The following ADIPOR1 variants were observed in gnomAD, a reference collection of about 807,000 sequenced individuals.
The protein encoded by ADIPOR1 is adiponectin receptor protein 1.
Under a neutral mutation model 37.5 loss-of-function variants are expected in ADIPOR1, and 15 were observed. The ratio of observed to expected loss-of-function variants is 0.40; its 90% CI spans 0.27 to 0.62. The LOEUF is 0.62. Ranked by LOEUF, ADIPOR1 falls within the 20% of genes least tolerant of loss-of-function variation. The pLI, the probability that ADIPOR1 is intolerant of heterozygous loss-of-function variation, is 0.42. For missense variants in ADIPOR1, 286 were observed against 478.0 expected, an observed-to-expected ratio of 0.60 and a Z score of 3.75; for synonymous variants, 173 against 173.2, an observed-to-expected ratio of 1.00 and a Z score of 0.01.
intron 1 of ADIPOR1, among the ~76,000 whole-genome samples, chr1:202,955,159 G>A (rs1370049666): frequency 6.6e-6 from 1 of 152,042 alleles, no homozygotes. Context: ...CCTACTCGAT[G>A]CCAAGCGTCC....
chr1:202,948,195 C>T (rs1392537557), intron 3 of ADIPOR1, 109 bp downstream of exon 3: 2 of 903,400 alleles, frequency 2.2e-6, no homozygotes, highest in Admixed American at 5.3e-5. Context: ...CAAATCCACT[C>T]CTTCCCAGGA....
chr1:202,952,646 C>T (rs545572523), intron 1 of ADIPOR1, among the ~76,000 whole-genome samples: 6 of 152,306 alleles, frequency 3.9e-5, no homozygotes, highest in South Asian at 2.1e-4. Flanking sequence ...GATTCCGGGA[C>T]GTGCACCAAT....
At chr1:202,942,846 AT>A (rs1183716098) in intron 6 of ADIPOR1, among the ~76,000 whole-genome samples, 1 of 148,150 alleles carries the variant, frequency 6.7e-6, no homozygotes, top group South Asian at 2.1e-4. Context: ...AATTATTATT[AT>A]TTTTTTCTTT....
intron 6 of ADIPOR1, 73 bp downstream of exon 6, chr1:202,943,685 G>T: frequency 6.6e-7 from 1 of 1,505,332 alleles, no homozygotes; most frequent in South Asian, 1.3e-5. Context: ...AAACCTTAAG[G>T]CTCAAATAGG....
chr1:202,952,778 G>A (rs1027316416), intron 1 of ADIPOR1, among the ~76,000 whole-genome samples: 14 of 152,120 alleles, frequency 9.2e-5, no homozygotes, highest in African/African-American at 2.7e-4. Context: ...CCAATTCCCC[G>A]AATAAATCCC....
chr1:202,944,650 C>T (rs1172116056), intron 5 of ADIPOR1: 1 of 169,772 alleles, frequency 5.9e-6, no homozygotes, highest in Non-Finnish European at 1.3e-5. Context: ...CCTACTTTGG[C>T]TTGGGCTAAT....
chr1:202,954,371 C>T (rs180721340), intron 1 of ADIPOR1: 1 of 152,236 alleles, frequency 6.6e-6, no homozygotes, highest in East Asian at 1.9e-4. Context: ...GAAAGAAGAG[C>T]AAATAATACT....
At chr1:202,947,668 T>G (rs544120400) in intron 3 of ADIPOR1, among the ~76,000 whole-genome samples, 1 of 152,328 alleles carries the variant, frequency 6.6e-6, no homozygotes, top group African/African-American at 2.4e-5. Flanking sequence ...TTCTATCTCA[T>G]GTCTCATCCC....
In ADIPOR1 at chr1:202,950,943, G is replaced by C. The variant is rs1352332556; in HGVS notation, c.128C>G (p.Ala43Gly). The C allele has an allele frequency of 6.2e-7, 1 of 1,614,146 alleles. No homozygotes were observed. Among genetic ancestry groups the C allele is most frequent in the Non-Finnish European group, 8.5e-7 (1 of 1,180,016 alleles). ...LLEEKGKRVIANPPKAEEEQT... is the reference protein window; with the variant it reads ...LLEEKGKRVIGNPPKAEEEQT... Reference sequence around the variant, plus strand: ...AAGATGACTTACTTTGGGTGGGTTGGCGATTACCCGTTTGCCCTTCTCTTC... The same window carrying C: ...AAGATGACTTACTTTGGGTGGGTTGCCGATTACCCGTTTGCCCTTCTCTTC... Residue 43 changes from alanine to glycine, a missense_variant, in exon 2 of 8, where the codon GCC (alanine) becomes GGC (glycine). By Grantham distance (60) the Ala-to-Gly change is moderately conservative. Coordinates refer to ENST00000340990, the MANE Select transcript of ADIPOR1 (RefSeq NM_015999.6).
intron 3 of ADIPOR1, among the ~76,000 whole-genome samples, chr1:202,947,392 C>T (rs1429584569): frequency 6.6e-6 from 1 of 150,670 alleles, no homozygotes; most frequent in East Asian, 2.0e-4. Context: ...CGTGGTGGCA[C>T]ATGCCTGTAA....
In ADIPOR1 at chr1:202,946,578, A is replaced by G. The variant is rs1194556919; in HGVS notation, c.291T>C (p.Tyr97=). The G allele has an allele frequency of 1.2e-6, 2 of 1,613,984 alleles. No individual in the cohort carries two copies. Among genetic ancestry groups the G allele is most frequent in the Non-Finnish European group, 8.5e-7 (1 of 1,180,036 alleles). The change falls in exon 4 of 8, where the codon TAT becomes TAC. Residue 97 remains tyrosine, a synonymous_variant. Coordinates refer to ENST00000340990, the MANE Select transcript of ADIPOR1 (RefSeq NM_015999.6). ...VWEGRWRVIP[Y]DVLPDWLKDN... The stretch of plus-strand genomic sequence containing the variant: ...CCTTTAGCCAGTCAGGGAGCACATC[A>G]TATGGGATGACCCTCCAACGTCCCT...
At chr1:202,942,391 A>G (rs1654129057) in intron 6 of ADIPOR1, among the ~76,000 whole-genome samples, 173 bp from the exon 7 acceptor site, 1 of 152,252 alleles carries the variant, frequency 6.6e-6, no homozygotes, top group South Asian at 2.1e-4. Flanking sequence ...TATTTCTTCT[A>G]TGTCCTGAAT....
chr1:202,949,597 A>AAC (rs1553243424), intron 2 of ADIPOR1, among the ~76,000 whole-genome samples: 6 of 148,258 alleles, frequency 4.0e-5, no homozygotes, highest in Admixed American at 2.7e-4. Flanking sequence ...AAAAAAAAAA[A>AAC]CACACCCAGG....
chr1:202,955,740 A>G (rs1295925043), intron 1 of ADIPOR1, among the ~76,000 whole-genome samples: 1 of 152,112 alleles, frequency 6.6e-6, no homozygotes, highest in Non-Finnish European at 1.5e-5. Context: ...AAGTGCTGGG[A>G]TTACAGGTGT....
chr1:202,949,640 C>A (rs1654487455), intron 2 of ADIPOR1, among the ~76,000 whole-genome samples: 1 of 149,660 alleles, frequency 6.7e-6, no homozygotes, highest in Admixed American at 6.7e-5. Flanking sequence ...AGAGAACTTT[C>A]TCTCTCTCTA....
intron 1 of ADIPOR1, among the ~76,000 whole-genome samples, chr1:202,952,325 G>A (rs1654608555): frequency 1.3e-5 from 2 of 152,186 alleles, no homozygotes; most frequent in South Asian, 4.1e-4. Flanking sequence ...TGCACATGGA[G>A]TGGGTTGCAT....
At chr1:202,952,154 T>C (rs1654602032) in intron 1 of ADIPOR1, among the ~76,000 whole-genome samples, 1 of 152,134 alleles carries the variant, frequency 6.6e-6, no homozygotes, top group South Asian at 2.1e-4. Context: ...CACTATGCTG[T>C]AAATTATTAG....
At chr1:202,955,443 C>T (rs1438661791) in intron 1 of ADIPOR1, among the ~76,000 whole-genome samples, 1 of 152,110 alleles carries the variant, frequency 6.6e-6, no homozygotes, top group East Asian at 1.9e-4. Context: ...CCAGCCTTGG[C>T]ATCCCAAAGT....
At chr1:202,943,276 A>G (rs763600218) in intron 6 of ADIPOR1, among the ~76,000 whole-genome samples, 1 of 152,254 alleles carries the variant, frequency 6.6e-6, no homozygotes, top group Non-Finnish European at 1.5e-5. Flanking sequence ...AAAGCTTAAA[A>G]TAAGAGTCCA....
Sources: gnomAD v4.1 joint callset for allele counts (sites outside exome capture counted in the v4.1 genomes callset) on GRCh38, gnomAD v4.1.1 for gene constraint, MANE v1.5 for transcripts, NCBI Gene and HGNC (gene_info 2026-07-23, HGNC 2026-07-21) for gene names.